MC2R: variants seen among roughly 807,000 people sequenced by gnomAD.
MC2R encodes the protein adrenocorticotropic hormone receptor.
Under a neutral mutation model 9.8 loss-of-function variants are expected in MC2R, and 9 were observed. The ratio of observed to expected loss-of-function variants is 0.92; its 90% CI spans 0.55 to 1.60. The LOEUF is 1.60. Ranked by LOEUF, MC2R falls within the 40% of genes most tolerant of loss-of-function variation. MC2R has a pLI of 0.00. For missense variants in MC2R, 370 were observed against 389.0 expected, an observed-to-expected ratio of 0.95 and a Z score of 0.41; for synonymous variants, 185 against 154.7, an observed-to-expected ratio of 1.20 and a Z score of -1.45.
At chr18:13,886,909 G>A (rs72556564) in intron 1 of MC2R, among the ~76,000 whole-genome samples, 10 of 152,240 alleles carry the variant, frequency 6.6e-5, no homozygotes, top group South Asian at 4.1e-4. Context: ...TGGGTCAGAG[G>A]TCAAGTGTTC....
intron 1 of MC2R, among the ~76,000 whole-genome samples, chr18:13,887,307 G>A (rs1338837469): frequency 2.5e-5 from 3 of 121,410 alleles, no homozygotes; most frequent in African/African-American, 8.9e-5. Flanking sequence ...TGTCCCACCT[G>A]CTGGGAAAGC....
rs67239935 is a variant in MC2R, at chr18:13,883,576, T to TACACACACACAC, written c.*1037_*1048dup. 3 of 118,572 alleles carry TACACACACACAC rather than the reference T, an allele frequency of 2.5e-5. No homozygotes were observed. Among genetic ancestry groups the TACACACACACAC allele is most frequent in the Non-Finnish European group, 5.1e-5 (3 of 58,506 alleles). 7.3% of individuals were successfully genotyped at this position (118,572 alleles called of 1,614,324 possible). ...CCATAGTCCAAAAGCATGGGGAAAA[T>TACACACACACAC]ACACACACACACACACACACACACA... On this transcript the variant is annotated 3_prime_UTR_variant, in exon 2 of 2. Coordinates refer to ENST00000327606, the MANE Select transcript of MC2R (RefSeq NM_000529.2).
At chr18:13,903,489 C>A (rs1487613005) in intron 1 of MC2R, among the ~76,000 whole-genome samples, 3 of 152,106 alleles carry the variant, frequency 2.0e-5, no homozygotes, top group East Asian at 3.8e-4. Context: ...GGTACATATA[C>A]AAAATGGAGT....
intron 1 of MC2R, among the ~76,000 whole-genome samples, chr18:13,903,501 C>A (rs1177765609): frequency 1.4e-4 from 21 of 152,096 alleles, no homozygotes; most frequent in Admixed American, 1.4e-3. Flanking sequence ...AAATGGAGTA[C>A]TTTACAGCCA....
At chr18:13,901,344 C>G (rs1375364097) in intron 1 of MC2R, among the ~76,000 whole-genome samples, 1 of 151,372 alleles carries the variant, frequency 6.6e-6, no homozygotes, top group South Asian at 2.1e-4. Context: ...ACTAGAAAAG[C>G]AAGAGCAAAC....
chr18:13,896,027 G>A (rs762021208), intron 1 of MC2R, among the ~76,000 whole-genome samples: 4 of 152,134 alleles, frequency 2.6e-5, no homozygotes, highest in African/African-American at 4.8e-5. Flanking sequence ...TATTTAATTC[G>A]AATATTAAGA....
In MC2R at chr18:13,902,055, GGGATTTTTTCCCTA is replaced by G. The variant is rs2045383309; in HGVS notation, c.-129+13419_-129+13432del. Among the ~76,000 whole-genome samples the G allele has an allele frequency of 2.6e-5, 4 of 152,166 alleles. No homozygotes were observed. The South Asian group carries it at 8.3e-4, about 32-fold the overall frequency. On this transcript the variant is annotated intron_variant, in intron 1 of 1. Coordinates refer to ENST00000327606, the MANE Select transcript of MC2R (RefSeq NM_000529.2). Reference sequence around the variant, plus strand: ...GAAAGATCATTCATCATGACCAAGTGGGATTTTTTCCCTAGGATGCAAGGATGGCTTAACATATG... The same window carrying G: ...GAAAGATCATTCATCATGACCAAGTGGGATGCAAGGATGGCTTAACATATG...
chr18:13,906,412 C>T (rs116576042), intron 1 of MC2R, among the ~76,000 whole-genome samples: 1,712 of 152,066 alleles, frequency 0.011, 18 homozygotes, highest in African/African-American at 0.04. Flanking sequence ...GTGAACAACA[C>T]ACACCAGGGC....
chr18:13,899,296 A>G (rs1402939008), intron 1 of MC2R, among the ~76,000 whole-genome samples: 2 of 151,854 alleles, frequency 1.3e-5, no homozygotes, highest in African/African-American at 4.9e-5. Flanking sequence ...AATACAGCCT[A>G]TTTGAAAATA....
chr18:13,913,621 C>CTGCA (rs1301475262), intron 1 of MC2R, among the ~76,000 whole-genome samples: 14 of 152,208 alleles, frequency 9.2e-5, no homozygotes, highest in Admixed American at 5.9e-4. Flanking sequence ...CACTTTAAGG[C>CTGCA]CCACTGGGTG....
At chr18:13,899,581 T>C (rs2045366724) in intron 1 of MC2R, among the ~76,000 whole-genome samples, 1 of 152,082 alleles carries the variant, frequency 6.6e-6, no homozygotes, top group Admixed American at 6.5e-5. Context: ...CATACTCTCA[T>C]AGATCAAGGA....
chr18:13,884,880 G>T lies in MC2R; in HGVS notation c.639C>A (p.Ala213=). 6.2e-7 allele frequency: 1 copy of T among 1,614,080 alleles called. No individual in the cohort carries two copies. The highest frequency in any genetic ancestry group is 8.5e-7 in the Non-Finnish European group (1 of 1,180,000). Residue 213 remains alanine (A), a synonymous_variant, in exon 2 of 2, where the codon GCC becomes GCA. Coordinates refer to ENST00000327606, the MANE Select transcript of MC2R (RefSeq NM_000529.2). The part of the protein sequence containing the change: ...HTRKISTLPR[A]NMKGAITLTI... ...TCAGTGTGATGGCCCCTTTCATGTT[G>T]GCTCTGGGGAGGGTGGAGATCTTCC...
chr18:13,889,653 A>G (rs559303053), intron 1 of MC2R, among the ~76,000 whole-genome samples: 2 of 152,340 alleles, frequency 1.3e-5, no homozygotes, highest in East Asian at 3.9e-4. Flanking sequence ...GCATGGGCCT[A>G]AAGTGAGATT....
chr18:13,886,117 C>T (rs2045274771), intron 1 of MC2R, among the ~76,000 whole-genome samples: 1 of 152,134 alleles, frequency 6.6e-6, no homozygotes, highest in Non-Finnish European at 1.5e-5. Context: ...CTATGGGTAA[C>T]ACGTATGTTA....
intron 1 of MC2R, among the ~76,000 whole-genome samples, chr18:13,889,686 A>G (rs751933989): frequency 2.0e-4 from 31 of 151,934 alleles, no homozygotes; most frequent in Non-Finnish European, 4.0e-4. Flanking sequence ...ATCATCTTTG[A>G]CCAAAAAAAA....
chr18:13,914,420 C>T (rs541511591), intron 1 of MC2R, among the ~76,000 whole-genome samples: 7 of 152,162 alleles, frequency 4.6e-5, no homozygotes, highest in African/African-American at 1.2e-4. Flanking sequence ...CATAAGGGTT[C>T]GGTACAGCTT....
rs141066300 is a variant in MC2R, at chr18:13,902,271, C to T, written c.-129+13217G>A. Among the ~76,000 whole-genome samples the T allele has an allele frequency of 2.6e-4, 40 of 152,072 alleles. 1 individual carries two copies. In the East Asian group the frequency reaches 6.9e-3, roughly 26 times the overall value. On this transcript the variant is annotated intron_variant, in intron 1 of 1. Transcript: ENST00000327606. ...ACCTCAACATAATAAAAGCTATACA[C>T]AACATACCCACAGCCATGCAATCCC...
chr18:13,909,908 TG>T (rs2045435311), intron 1 of MC2R, among the ~76,000 whole-genome samples: 1 of 152,260 alleles, frequency 6.6e-6, no homozygotes, highest in East Asian at 1.9e-4. Context: ...TTGTTGCTAC[TG>T]GGGTGCCATT....
intron 1 of MC2R, among the ~76,000 whole-genome samples, chr18:13,915,213 A>G (rs1044853467): frequency 6.6e-6 from 1 of 152,260 alleles, no homozygotes; most frequent in Non-Finnish European, 1.5e-5. Context: ...GTCCTTGAAT[A>G]GAGCTCAATG....
Sources: allele counts gnomAD v4.1 joint callset (sites outside exome capture counted in the v4.1 genomes callset), GRCh38; gene constraint gnomAD v4.1.1; transcripts MANE v1.5; gene names NCBI Gene and HGNC (gene_info 2026-07-23, HGNC 2026-07-21).